AATF: variants seen among roughly 807,000 people sequenced by gnomAD.
The protein encoded by AATF is protein AATF.
In AATF, 48 loss-of-function variants were observed where a neutral mutation model predicts 63.7. The ratio of observed to expected loss-of-function variants is 0.75; its 90% CI spans 0.60 to 0.96. AATF has a LOEUF of 0.96. Ranked by LOEUF, AATF falls within the 40% of genes least tolerant of loss-of-function variation. The pLI is 0.00. For missense variants in AATF, 639 were observed against 685.7 expected, an observed-to-expected ratio of 0.93 and a Z score of 0.76; for synonymous variants, 258 against 247.7, an observed-to-expected ratio of 1.04 and a Z score of -0.39.
At chr17:36,950,439 T>G in intron 2 of AATF, 34 bp downstream of exon 2, 1 of 1,590,254 alleles carries the variant, frequency 6.3e-7, no homozygotes, top group Non-Finnish European at 8.6e-7. Flanking sequence ...ACTCTTCTCT[T>G]CCCTAATTTT....
chr17:36,954,271 A>C (rs1320218903), intron 4 of AATF, among the ~76,000 whole-genome samples: 1 of 151,870 alleles, frequency 6.6e-6, no homozygotes, highest in Non-Finnish European at 1.5e-5. Context: ...TTGTAGAGAC[A>C]GGGTCTCACT....
At chr17:37,056,520 G>T in intron 11 of AATF, 81 bp from the exon 12 acceptor site, 2 of 1,407,426 alleles carry the variant, frequency 1.4e-6, no homozygotes, top group Non-Finnish European at 2.0e-6. Context: ...ACAGAATGGG[G>T]TATTTTCCAG....
chr17:37,015,803 A>G (rs1489599247), intron 8 of AATF, among the ~76,000 whole-genome samples: 2 of 152,124 alleles, frequency 1.3e-5, no homozygotes, highest in African/African-American at 4.8e-5. Context: ...GAGGTGGGAG[A>G]AAGGGAGAGG....
intron 10 of AATF, among the ~76,000 whole-genome samples, chr17:37,023,712 G>A (rs1197004273): frequency 6.6e-6 from 1 of 151,912 alleles, no homozygotes; most frequent in Non-Finnish European, 1.5e-5. Flanking sequence ...ATAGTAAGTG[G>A]TTTTAGTGTC....
chr17:36,953,606 T>C (rs2070874989), intron 3 of AATF, among the ~76,000 whole-genome samples, 164 bp from the exon 4 acceptor site: 1 of 152,234 alleles, frequency 6.6e-6, no homozygotes, highest in African/African-American at 2.4e-5. Flanking sequence ...TCATGGATAC[T>C]GAATTTATTT....
intron 4 of AATF, among the ~76,000 whole-genome samples, chr17:36,956,668 C>T (rs1487901992): frequency 2.1e-5 from 3 of 141,634 alleles, no homozygotes; most frequent in Admixed American, 7.2e-5. Context: ...AGTGAAACTC[C>T]GTCTCAAAAA....
intron 10 of AATF, among the ~76,000 whole-genome samples, chr17:37,028,650 G>GT (rs1266024860): frequency 6.6e-6 from 1 of 152,052 alleles, no homozygotes. Context: ...GCTGGGCATG[G>GT]TGGTACACTC....
In AATF at chr17:37,037,054, G is replaced by C. The variant is rs574693437; in HGVS notation, c.1619+5369G>C. On this transcript the variant is annotated intron_variant, in intron 11 of 11. Coordinates refer to ENST00000619387, the MANE Select transcript of AATF (RefSeq NM_012138.4). ...GACAGAGTCTCGTTCTCTCACCCAG[G>C]CTGTAGTGCAGTGGGGTAATCTCGG... is the stretch of plus-strand genomic sequence containing the variant. 4.4e-4 allele frequency among the ~76,000 whole-genome samples: 66 copies of C among 150,266 alleles called. 1 individual carries two copies. The highest frequency in any genetic ancestry group is 1.6e-3 in the African/African-American group (64 of 40,538).
intron 11 of AATF, among the ~76,000 whole-genome samples, chr17:37,047,858 G>A (rs529481313): frequency 1.3e-4 from 20 of 152,100 alleles, no homozygotes; most frequent in Non-Finnish European, 2.8e-4. Flanking sequence ...GGGCGGCTGC[G>A]GTTTTGTTGT....
chr17:36,968,687 T>C (rs548467369), intron 4 of AATF, among the ~76,000 whole-genome samples: 38 of 152,176 alleles, frequency 2.5e-4, no homozygotes, highest in African/African-American at 9.2e-4. Flanking sequence ...AGTGGTGTGA[T>C]CATAGCTCAC....
chr17:36,989,486 A>G (rs891625763), intron 7 of AATF, 75 bp downstream of exon 7: 3 of 1,426,788 alleles, frequency 2.1e-6, no homozygotes, highest in Non-Finnish European at 9.4e-7. Context: ...ACTTGTAGCT[A>G]TTACCTGTTT....
At chr17:37,049,358 T>C (rs1048984361) in intron 11 of AATF, among the ~76,000 whole-genome samples, 7 of 152,090 alleles carry the variant, frequency 4.6e-5, no homozygotes, top group African/African-American at 1.7e-4. Flanking sequence ...ATCCCAGCAC[T>C]TTGGGAGGCC....
intron 11 of AATF, among the ~76,000 whole-genome samples, chr17:37,035,230 T>A (rs1044540282): frequency 2.0e-5 from 3 of 152,068 alleles, no homozygotes; most frequent in South Asian, 2.1e-4. Context: ...TTTTATTATT[T>A]TTTTTTGAGA....
chr17:37,002,075 G>A (rs531695939), intron 8 of AATF, among the ~76,000 whole-genome samples: 50 of 151,848 alleles, frequency 3.3e-4, no homozygotes, highest in Middle Eastern at 6.8e-3. Flanking sequence ...GGTGGTGTAC[G>A]CCTGTAATCC....
chr17:37,008,234 AC>A (rs1445940527), intron 8 of AATF, among the ~76,000 whole-genome samples: 1 of 152,224 alleles, frequency 6.6e-6, no homozygotes, highest in South Asian at 2.1e-4. Context: ...TTGAATACTT[AC>A]GTTTTGCTGA....
chr17:37,014,466 C>G (rs1305284144), intron 8 of AATF, among the ~76,000 whole-genome samples: 1 of 152,064 alleles, frequency 6.6e-6, no homozygotes, highest in Non-Finnish European at 1.5e-5. Flanking sequence ...AAAACTGGGA[C>G]AGGTAAAGTG....
intron 10 of AATF, among the ~76,000 whole-genome samples, chr17:37,021,564 G>A (rs1401942840): frequency 1.3e-5 from 2 of 152,016 alleles, no homozygotes; most frequent in African/African-American, 4.8e-5. Context: ...GGGAGGCGGA[G>A]GCTGCAGTGA....
At chr17:36,950,661 G>C (rs570743106) in intron 2 of AATF, among the ~76,000 whole-genome samples, 5 of 152,086 alleles carry the variant, frequency 3.3e-5, no homozygotes, top group Non-Finnish European at 7.4e-5. Context: ...CACCACGCCC[G>C]GCTAATTTTG....
Position 36,948,997 on chromosome 17 carries a change from C to G in AATF, c.-129C>G. ...CGGTCCAGAGCTGTGGGGTGGCCTC[C>G]GCGCGGTCTCTGGCGGAGTCGGGGA... On this transcript the variant is annotated 5_prime_UTR_variant, in exon 1 of 12. Coordinates refer to ENST00000619387, the MANE Select transcript of AATF (RefSeq NM_012138.4). 1 of 889,214 alleles carries G rather than the reference C, an allele frequency of 1.1e-6. No homozygotes were observed. The highest frequency in any genetic ancestry group is 1.6e-5 in the South Asian group (1 of 61,328). The allele number at this position is 889,214 out of a possible 1,614,324, so 55.1% of individuals were successfully genotyped here.
Sources: allele counts gnomAD v4.1 joint callset (sites outside exome capture counted in the v4.1 genomes callset), GRCh38; gene constraint gnomAD v4.1.1; transcripts MANE v1.5; gene names NCBI Gene and HGNC (gene_info 2026-07-23, HGNC 2026-07-21).